The following CBLB variants were observed in gnomAD, a reference collection of about 807,000 sequenced individuals.
The protein encoded by CBLB is E3 ubiquitin-protein ligase CBL-B.
CBLB carries 31 observed loss-of-function variants against 104.9 expected under a neutral mutation model. That is an observed-to-expected ratio of 0.30 (90% CI 0.22 to 0.40). The LOEUF is 0.40. CBLB is among the 10% of genes least tolerant of loss of function. The pLI, the probability that CBLB is intolerant of heterozygous loss-of-function variation, is 1.00. For synonymous variants in CBLB, 440 were observed against 422.6 expected (o/e 1.04, Z -0.51); for missense variants, 1,062 against 1,214.6 (o/e 0.87, Z 1.87).
chr3:105,863,641 T>A (rs753606789), intron 2 of CBLB, among the ~76,000 whole-genome samples: 3 of 152,308 alleles, frequency 2.0e-5, no homozygotes, highest in Admixed American at 6.5e-5. Flanking sequence ...CTTTAAAATA[T>A]ATTATGATCA....
At chr3:105,695,072 GCAGGAATAGACA>G (rs1466018747) in intron 12 of CBLB, among the ~76,000 whole-genome samples, 1 of 151,810 alleles carries the variant, frequency 6.6e-6, no homozygotes, top group African/African-American at 2.4e-5. Flanking sequence ...TTTGCATGCT[GCAGGAATAGACA>G]CAATGTAAGA....
At chr3:105,752,297 A>G (rs1422290963) in intron 4 of CBLB, among the ~76,000 whole-genome samples, 1 of 152,232 alleles carries the variant, frequency 6.6e-6, no homozygotes, top group Non-Finnish European at 1.5e-5. Context: ...CAGTTACATG[A>G]TTCAAAAAAT....
intron 18 of CBLB, among the ~76,000 whole-genome samples, chr3:105,668,823 C>G (rs1376565475): frequency 6.6e-6 from 1 of 152,122 alleles, no homozygotes; most frequent in Admixed American, 6.6e-5. Flanking sequence ...ACTGACAATT[C>G]TTAAAACAGC....
chr3:105,702,147 G>A lies in CBLB; in HGVS notation c.1906C>T (p.Pro636Ser). The A allele has an allele frequency of 6.2e-7, 1 of 1,614,052 alleles. No homozygotes were observed. Among genetic ancestry groups the A allele is most frequent in the South Asian group, 1.1e-5 (1 of 91,068 alleles). Residue 636 changes from proline (P) to serine (S), a missense_variant, in exon 12 of 19, where the codon CCA becomes TCA. Physicochemically the swap from Pro to Ser is moderately conservative, Grantham distance 74. Transcript: ENST00000394030. The stretch of plus-strand genomic sequence containing the variant: ...CGTCTGTGTTTCCGCATAAGCACTG[G>A]GTCAGAGCCCACTCTACTGTGCCTT... ...NGRHSRVGSD[P>S]VLMRKHRRHD...
chr3:105,789,104 C>T (rs976760515), intron 3 of CBLB, among the ~76,000 whole-genome samples: 17 of 152,082 alleles, frequency 1.1e-4, no homozygotes, highest in African/African-American at 3.4e-4. Flanking sequence ...AATCAAGCCA[C>T]GAAATTTTGG....
intron 5 of CBLB, among the ~76,000 whole-genome samples, chr3:105,747,439 G>A (rs2076214573): frequency 1.3e-5 from 2 of 152,058 alleles, no homozygotes; most frequent in Non-Finnish European, 2.9e-5. Context: ...CTTGAGATGA[G>A]GATAACAAAG....
intron 9 of CBLB, among the ~76,000 whole-genome samples, chr3:105,729,595 T>C (rs1417906538): frequency 6.6e-6 from 1 of 152,078 alleles, no homozygotes; most frequent in African/African-American, 2.4e-5. Flanking sequence ...AGACACCTAA[T>C]ACCTTGAGAA....
At chr3:105,661,023 G>A (rs527264308) in intron 18 of CBLB, among the ~76,000 whole-genome samples, 5 of 148,574 alleles carry the variant, frequency 3.4e-5, no homozygotes, top group Non-Finnish European at 5.9e-5. Context: ...GGCTGGTCTC[G>A]AACTCCTGTC....
chr3:105,800,066 A>T (rs867744187), intron 3 of CBLB, among the ~76,000 whole-genome samples: 9 of 152,206 alleles, frequency 5.9e-5, no homozygotes, highest in Admixed American at 1.3e-4. Context: ...AAGTCTGAAG[A>T]TCTGAGTTCT....
At chr3:105,679,930 T>A (rs1331641076) in intron 16 of CBLB, among the ~76,000 whole-genome samples, 1 of 152,226 alleles carries the variant, frequency 6.6e-6, no homozygotes, top group Non-Finnish European at 1.5e-5. Context: ...CATTATCATA[T>A]TTATTCAAAT....
In CBLB at chr3:105,681,747, G is replaced by A. The variant is rs1278160458; in HGVS notation, c.2273C>T (p.Pro758Leu). The A allele has an allele frequency of 6.2e-7, 1 of 1,609,176 alleles. No homozygotes were observed. Among genetic ancestry groups the A allele is most frequent in the Non-Finnish European group, 8.5e-7 (1 of 1,175,664 alleles). The change falls in exon 15 of 19, where the codon CCT becomes CTT. Residue 758 changes from proline (P) to leucine (L), a missense_variant. Physicochemically the swap from Pro to Leu is moderately conservative, Grantham distance 98. This residue lies in a region of CBLB where 605 missense variants were observed against 582.6 expected (regional missense o/e 1.04). Coordinates refer to ENST00000394030, the MANE Select transcript of CBLB (RefSeq NM_170662.5). ...ACCCTTTAAATATATGCTTAAGTCA[G>A]GGATGTTTGATTTCTTCTCTGAAGA... The part of the protein sequence containing the change: ...GPSSEKKSNI[P>L]DLSIYLKGDV...
intron 3 of CBLB, among the ~76,000 whole-genome samples, chr3:105,803,563 C>T (rs2083147570): frequency 6.6e-6 from 1 of 152,172 alleles, no homozygotes; most frequent in Non-Finnish European, 1.5e-5. Context: ...TCAGGTAAGG[C>T]ACAGGGAGTT....
chr3:105,786,085 G>C (rs2080984480), intron 3 of CBLB, among the ~76,000 whole-genome samples: 1 of 119,040 alleles, frequency 8.4e-6, no homozygotes, highest in Non-Finnish European at 1.9e-5. Context: ...TGGGTAAAAT[G>C]AAAGTGTAGA....
In CBLB at chr3:105,685,446, T is replaced by C. The variant is rs916950645; in HGVS notation, c.2075A>G (p.Asn692Ser). The part of the protein sequence containing the change: ...PSIKCTGPLA[N>S]SLSEKTRDPV... ...GTCTCTTGTTTTCTCTGAAAGAGAA[T>C]TTGCTAACGGACCAGTACACCTACC... The change falls in exon 14 of 19, where the codon AAT becomes AGT. Residue 692 changes from asparagine (N) to serine (S), a missense_variant. By Grantham distance (46) the Asn-to-Ser change is conservative. Around this residue, in one of 2 missense-constraint regions of CBLB, gnomAD observed 605 missense variants for 582.6 expected, o/e 1.04. Coordinates refer to ENST00000394030, the MANE Select transcript of CBLB (RefSeq NM_170662.5). 6.2e-7 allele frequency: 1 copy of C among 1,613,308 alleles called. No homozygotes were observed. The highest frequency in any genetic ancestry group is 1.7e-5 in the Admixed American group (1 of 59,994).
In CBLB at chr3:105,659,035, C is replaced by T; in HGVS notation, c.2884G>A (p.Val962Ile). 6.2e-7 allele frequency: 1 copy of T among 1,614,020 alleles called. No homozygotes were observed. Among genetic ancestry groups the T allele is most frequent in the Non-Finnish European group, 8.5e-7 (1 of 1,179,930 alleles). ...AATTCTCGGAGGATGCTCCGGGCAA[C>T]TTCGACATTATTCTGGGCTATCTCT... is the stretch of plus-strand genomic sequence containing the variant. ...ALEIAQNNVE[V>I]ARSILREFAF... The change falls in exon 19 of 19, where the codon GTT (valine) becomes ATT (isoleucine). Residue 962 changes from valine (V) to isoleucine (I), a missense_variant. Val to Ile is a conservative substitution (Grantham distance 29). Coordinates refer to ENST00000394030, the MANE Select transcript of CBLB (RefSeq NM_170662.5).
chr3:105,869,171 G>A (rs148633087), upstream of CBLB: 4 of 596,252 alleles, frequency 6.7e-6, no homozygotes, highest in Non-Finnish European at 1.1e-5. Context: ...CTGCCGCCCC[G>A]TCCACGTCCT....
At chr3:105,754,525 G>GAGAAAC (rs1553767668) in intron 4 of CBLB, among the ~76,000 whole-genome samples, 2 of 16,016 alleles carry the variant, frequency 1.2e-4, no homozygotes, top group Middle Eastern at 0.025. Flanking sequence ...GAGAGAGACA[G>GAGAAAC]AGAGAGAGAG....
chr3:105,844,725 C>T (rs1458593703), intron 3 of CBLB, among the ~76,000 whole-genome samples: 1 of 152,088 alleles, frequency 6.6e-6, no homozygotes, highest in African/African-American at 2.4e-5. Flanking sequence ...TATTTTACAC[C>T]CTACCCAATT....
At position 105,656,338 on chromosome 3, in the gene CBLB, G is replaced by C. The variant is rs2063343212; in HGVS notation, c.*2632C>G. 3 of 203,116 alleles carry C rather than the reference G, an allele frequency of 1.5e-5. No homozygotes were observed. Among genetic ancestry groups the C allele is most frequent in the Non-Finnish European group, 3.0e-5 (3 of 99,040 alleles). 12.6% of individuals were successfully genotyped at this position (203,116 alleles called of 1,614,324 possible). ...AAATGGAAGGAATGTCTAACTTTTTGGATCACAGTGAAACAAAGTCTGGAT... is the reference window on the plus strand; with the variant it reads ...AAATGGAAGGAATGTCTAACTTTTTCGATCACAGTGAAACAAAGTCTGGAT... On this transcript the variant is annotated 3_prime_UTR_variant, in exon 19 of 19. Transcript: ENST00000394030.
Sources: allele counts gnomAD v4.1 joint callset (sites outside exome capture counted in the v4.1 genomes callset), GRCh38; gene constraint gnomAD v4.1.1; regional missense constraint gnomAD v4.1.1; transcripts MANE v1.5; gene names NCBI Gene and HGNC (gene_info 2026-07-23, HGNC 2026-07-21).